The following PAQR4 variants were observed in gnomAD, a reference collection of about 807,000 sequenced individuals.
The protein encoded by PAQR4 is progestin and adipoQ receptor family member 4.
Under a neutral mutation model 20.9 loss-of-function variants are expected in PAQR4, and 26 were observed. The ratio of observed to expected loss-of-function variants is 1.24; its 90% CI spans 0.91 to 1.73. The LOEUF (loss-of-function observed/expected upper bound fraction) is 1.73. Among genes scored for constraint, PAQR4 ranks in the 40% most tolerant of loss-of-function variants. The pLI, the probability that PAQR4 is intolerant of heterozygous loss-of-function variation, is 0.00. For synonymous variants in PAQR4, 193 were observed against 171.6 expected (o/e 1.12, Z -0.97); for missense variants, 400 against 380.1 (o/e 1.05, Z -0.44).
In PAQR4 at chr16:2,973,367, G is replaced by A; in HGVS notation, c.*1419G>A. ...AATAAAAACTTGGTGCACTCTGAAA[G>A]CAGCACTTGGACAGCCTTCAAAGTC... On this transcript the variant is annotated 3_prime_UTR_variant, in exon 3 of 3. Transcript: ENST00000318782. 6.5e-7 allele frequency: 1 copy of A among 1,541,548 alleles called. No homozygotes were observed. Among genetic ancestry groups the A allele is most frequent in the Non-Finnish European group, 8.7e-7 (1 of 1,146,160 alleles).
Position 2,973,246 on chromosome 16 carries a change from G to T in PAQR4, c.*1298G>T, listed in dbSNP as rs781243965. 28 of 1,481,980 alleles carry T rather than the reference G, an allele frequency of 1.9e-5. No individual in the cohort carries two copies. The South Asian group carries it at 3.9e-4, about 20-fold the overall frequency. The allele number at this position is 1,481,980 out of a possible 1,614,324, so 91.8% of individuals were successfully genotyped here. A position where few individuals can be genotyped will look rare whatever the true frequency, so the allele number is the denominator to read the frequency against. On this transcript the variant is annotated 3_prime_UTR_variant, in exon 3 of 3. Coordinates refer to ENST00000318782, the MANE Select transcript of PAQR4 (RefSeq NM_152341.5). ...GGAGGGCAGGCGAGACAAGGAGGGT[G>T]TCCAGGGCTAGGGAGTGCCGGATGA...
chr16:2,969,492 G>C lies in PAQR4; in HGVS notation c.-183G>C, dbSNP rs1416998222. 6.6e-6 allele frequency: 3 copies of C among 457,014 alleles called. No individual in the cohort carries two copies. The highest frequency in any genetic ancestry group is 4.2e-5 in the African/African-American group (2 of 48,084). 28.3% of individuals were successfully genotyped at this position (457,014 alleles called of 1,614,324 possible). On this transcript the variant is annotated 5_prime_UTR_variant, in exon 1 of 3. Coordinates refer to ENST00000318782, the MANE Select transcript of PAQR4 (RefSeq NM_152341.5). ...GCGCGGGGGCGACGGACTCGCGCGT[G>C]CGCAGCGCCGGAGGGGCGCGGGCTG... is the stretch of plus-strand genomic sequence containing the variant.
rs923713552 is a variant in PAQR4 at position 2,972,670 on chromosome 16, C to T, written c.*722C>T. ...GCCTGCTCAGGAAACCTCTTTGCTCCACACAGCATGGGGCTTCAGCTGCTG... is the reference window on the plus strand; with the variant it reads ...GCCTGCTCAGGAAACCTCTTTGCTCTACACAGCATGGGGCTTCAGCTGCTG... On this transcript the variant is annotated 3_prime_UTR_variant, in exon 3 of 3. Coordinates refer to ENST00000318782, the MANE Select transcript of PAQR4 (RefSeq NM_152341.5). The T allele has an allele frequency of 5.9e-6, 9 of 1,535,726 alleles. No individual in the cohort carries two copies. The East Asian group carries it at 9.8e-5, about 17-fold the overall frequency.
Position 2,973,341 on chromosome 16 carries a change from C to T in PAQR4, c.*1393C>T, listed in dbSNP as rs1393283405. ...ACAGGCAGGGAGCCACAGTCAGGGA[C>T]AATAAAAACTTGGTGCACTCTGAAA... On this transcript the variant is annotated 3_prime_UTR_variant, in exon 3 of 3. Coordinates refer to ENST00000318782, the MANE Select transcript of PAQR4 (RefSeq NM_152341.5). 2.6e-6 allele frequency: 4 copies of T among 1,542,938 alleles called. No homozygotes were observed. Among genetic ancestry groups the T allele is most frequent in the Non-Finnish European group, 3.5e-6 (4 of 1,145,352 alleles).
intron 1 of PAQR4, chr16:2,970,128 A>C: frequency 8.0e-6 from 3 of 373,518 alleles, no homozygotes; most frequent in African/African-American, 2.2e-5. Flanking sequence ...GGCCTCTGTA[A>C]TCCCAGCGCC....
rs1221767684 is a variant in PAQR4, at chr16:2,973,475, G to A, written c.*1527G>A. 1.3e-6 allele frequency: 2 copies of A among 1,493,732 alleles called. No individual in the cohort carries two copies. The highest frequency in any genetic ancestry group is 1.8e-6 in the Non-Finnish European group (2 of 1,119,644). The allele number at this position is 1,493,732 out of a possible 1,614,324, so 92.5% of individuals were successfully genotyped here. On this transcript the variant is annotated 3_prime_UTR_variant, in exon 3 of 3. Transcript: ENST00000318782. ...GAGGCAGATTTGAAATAAACTTTTA[G>A]TAAATGTAAGCCTTTCTGGAACTTC...
At position 2,972,924 on chromosome 16, in the gene PAQR4, G is replaced by A; in HGVS notation, c.*976G>A. On this transcript the variant is annotated 3_prime_UTR_variant, in exon 3 of 3. Transcript: ENST00000318782. Reference sequence around the variant, plus strand: ...CGACGGGAGAGACACAGGATAAAAGGTTAAAAGTGCAGAGGCAGAGTCTGG... The same window carrying A: ...CGACGGGAGAGACACAGGATAAAAGATTAAAAGTGCAGAGGCAGAGTCTGG... The A allele has an allele frequency of 6.3e-7, 1 of 1,580,258 alleles. No individual in the cohort carries two copies. Among genetic ancestry groups the A allele is most frequent in the East Asian group, 2.3e-5 (1 of 43,900 alleles).
Position 2,972,465 on chromosome 16 carries a change from C to T in PAQR4, c.*517C>T. On this transcript the variant is annotated 3_prime_UTR_variant, in exon 3 of 3. Transcript: ENST00000318782. ...GAGTAAGGCATTCAGGACAAAAGGACCAAGGGGGCGTGGACCCGTCTTGTA... is the reference window on the plus strand; with the variant it reads ...GAGTAAGGCATTCAGGACAAAAGGATCAAGGGGGCGTGGACCCGTCTTGTA... 1.4e-6 allele frequency: 1 copy of T among 716,514 alleles called. No individual in the cohort carries two copies. Among genetic ancestry groups the T allele is most frequent in the Non-Finnish European group, 2.3e-6 (1 of 444,386 alleles). 44.4% of individuals were successfully genotyped at this position (716,514 alleles called of 1,614,324 possible).
Position 2,972,975 on chromosome 16 carries a change from T to C in PAQR4, c.*1027T>C. On this transcript the variant is annotated 3_prime_UTR_variant, in exon 3 of 3. Transcript: ENST00000318782. ...GGCTCAGGTTGGGTCTAGGGTGTCCTCAAACAGGCTGAGGAGGTTCCGAGG... is the reference window on the plus strand; with the variant it reads ...GGCTCAGGTTGGGTCTAGGGTGTCCCCAAACAGGCTGAGGAGGTTCCGAGG... 6.2e-7 allele frequency: 1 copy of C among 1,609,190 alleles called. No homozygotes were observed. Among genetic ancestry groups the C allele is most frequent in the Non-Finnish European group, 8.5e-7 (1 of 1,178,756 alleles).
intron 1 of PAQR4, chr16:2,970,045 A>T: frequency 6.1e-6 from 4 of 659,338 alleles, no homozygotes; most frequent in Non-Finnish European, 1.0e-5. Context: ...GGGCCGGGTC[A>T]GGAGAGGGGA....
chr16:2,970,825 G>A (rs1409815868), intron 1 of PAQR4, among the ~76,000 whole-genome samples: 1 of 152,246 alleles, frequency 6.6e-6, no homozygotes, highest in African/African-American at 2.4e-5. Flanking sequence ...TGTATGGGGA[G>A]AGCAGTGTGG....
chr16:2,971,875 C>A lies in PAQR4; in HGVS notation c.749C>A (p.Ser250Tyr), dbSNP rs1205393058. ...HQIMHLLSVG[S>Y]ILQLHAGVVP... ...ATCATGCACCTGCTGAGCGTGGGCTCCATCCTGCAGCTGCACGCCGGCGTC... is the reference window on the plus strand; with the variant it reads ...ATCATGCACCTGCTGAGCGTGGGCTACATCCTGCAGCTGCACGCCGGCGTC... The change falls in exon 3 of 3, where the codon TCC (serine) becomes TAC (tyrosine). Residue 250 changes from serine (S) to tyrosine (Y), a missense_variant. Ser to Tyr is a moderately radical substitution (Grantham distance 144). Transcript: ENST00000318782. 1 of 1,611,332 alleles carries A rather than the reference C, an allele frequency of 6.2e-7. No individual in the cohort carries two copies. Among genetic ancestry groups the A allele is most frequent in the Non-Finnish European group, 8.5e-7 (1 of 1,179,864 alleles).
rs141502503 is a variant in PAQR4, at chr16:2,971,374, C to G, written c.384C>G (p.Thr128=). The change falls in exon 2 of 3, where the codon ACC becomes ACG. Residue 128 remains threonine (T), a synonymous_variant. Coordinates refer to ENST00000318782, the MANE Select transcript of PAQR4 (RefSeq NM_152341.5). The part of the protein sequence containing the change: ...LDMCGVCLVN[T]LGALPIIHCT... ...TGTGTGGGGTCTGCCTTGTCAACAC[C>G]CTTGGTGAGTCAGGGCCCAAGGGAT... The G allele has an allele frequency of 2.5e-6, 4 of 1,607,950 alleles. No homozygotes were observed. In the South Asian group the frequency reaches 3.3e-5, roughly 13 times the overall value.
In PAQR4 at chr16:2,972,301, C is replaced by T; in HGVS notation, c.*353C>T. On this transcript the variant is annotated 3_prime_UTR_variant, in exon 3 of 3. Coordinates refer to ENST00000318782, the MANE Select transcript of PAQR4 (RefSeq NM_152341.5). ...TTCAAGTCCTGCCAGGCCGCCAGCC[C>T]AGAGCCTCCTCACCCTATCCTGTTC... 1 of 500,076 alleles carries T rather than the reference C, an allele frequency of 2.0e-6. No individual in the cohort carries two copies. The highest frequency in any genetic ancestry group is 3.1e-5 in the South Asian group (1 of 32,084). 31.0% of individuals were successfully genotyped at this position (500,076 alleles called of 1,614,324 possible). A position where few individuals can be genotyped will look rare whatever the true frequency, so the allele number is the denominator to read the frequency against.
chr16:2,972,099 C>G lies in PAQR4; in HGVS notation c.*151C>G. ...CTGTTCACCCGTTCTTCCCTGTGGA[C>G]TGACCTCTTCCACCCACGCCGTGGC... is the stretch of plus-strand genomic sequence containing the variant. On this transcript the variant is annotated 3_prime_UTR_variant, in exon 3 of 3. Coordinates refer to ENST00000318782, the MANE Select transcript of PAQR4 (RefSeq NM_152341.5). The G allele has an allele frequency of 1.3e-6, 1 of 774,364 alleles. No homozygotes were observed. Among genetic ancestry groups the G allele is most frequent in the Non-Finnish European group, 2.0e-6 (1 of 503,324 alleles). 48.0% of individuals were successfully genotyped at this position (774,364 alleles called of 1,614,324 possible).
chr16:2,970,601 C>T (rs2071958854), intron 1 of PAQR4, among the ~76,000 whole-genome samples: 1 of 152,204 alleles, frequency 6.6e-6, no homozygotes, highest in Non-Finnish European at 1.5e-5. Flanking sequence ...GCCCCCTTCC[C>T]TTCATTCTGG....
Position 2,973,416 on chromosome 16 carries a change from G to A in PAQR4, c.*1468G>A. ...TCCTTCCATCTGGCTGCACTCCAAG[G>A]CCCCCTCTGTCCTTTTCAGAACACA... On this transcript the variant is annotated 3_prime_UTR_variant, in exon 3 of 3. Coordinates refer to ENST00000318782, the MANE Select transcript of PAQR4 (RefSeq NM_152341.5). 6.5e-7 allele frequency: 1 copy of A among 1,533,736 alleles called. No homozygotes were observed. Among genetic ancestry groups the A allele is most frequent in the Non-Finnish European group, 8.7e-7 (1 of 1,144,964 alleles).
rs543421824 is a variant in PAQR4 at position 2,970,842 on chromosome 16, G to T, written c.167-315G>T. 1.7e-5 allele frequency: 9 copies of T among 529,422 alleles called. No homozygotes were observed. The East Asian group carries it at 2.9e-4, about 17-fold the overall frequency. The allele number at this position is 529,422 out of a possible 1,614,324, so 32.8% of individuals were successfully genotyped here. On this transcript the variant is annotated intron_variant, in intron 1 of 2. Coordinates refer to ENST00000318782, the MANE Select transcript of PAQR4 (RefSeq NM_152341.5). ...TATGGGGAGAGCAGTGTGGGAGTGG[G>T]ACGGCCTAGGCCTGTCCTCTGCCAT...
At position 2,971,708 on chromosome 16, in the gene PAQR4, T is replaced by C; in HGVS notation, c.582T>C (p.Gly194=). 1.2e-6 allele frequency: 2 copies of C among 1,612,396 alleles called. No homozygotes were observed. The highest frequency in any genetic ancestry group is 4.5e-5 in the East Asian group (2 of 44,866). ...RLLVFGARGV[G]LGSGAPGSLP... is the part of the protein sequence containing the mutation. ...TGGTATTTGGGGCCCGGGGAGTGGG[T>C]CTGGGTTCAGGGGCTCCAGGCTCCC... is the stretch of plus-strand genomic sequence containing the variant. Residue 194 remains glycine (G), a synonymous_variant, in exon 3 of 3, where the codon GGT becomes GGC. Coordinates refer to ENST00000318782, the MANE Select transcript of PAQR4 (RefSeq NM_152341.5).
Sources: allele counts gnomAD v4.1 joint callset (sites outside exome capture counted in the v4.1 genomes callset), GRCh38; gene constraint gnomAD v4.1.1; transcripts MANE v1.5; gene names NCBI Gene and HGNC (gene_info 2026-07-23, HGNC 2026-07-21).